MBP: variants seen among roughly 807,000 people sequenced by gnomAD.
The protein encoded by MBP is Golli-MBP.
Under a neutral mutation model 35.8 loss-of-function variants are expected in MBP, and 16 were observed. The observed-to-expected ratio is 0.45, with a 90% confidence interval of 0.30 to 0.68. The LOEUF is 0.68. Among genes scored for constraint, MBP ranks in the 30% least tolerant of loss-of-function variants. The pLI is 0.08. For missense variants in MBP, 380 were observed against 404.7 expected, an observed-to-expected ratio of 0.94 and a Z score of 0.52; for synonymous variants, 143 against 159.6, an observed-to-expected ratio of 0.90 and a Z score of 0.78.
chr18:77,008,717 C>T (rs1181767296), intron 4 of MBP, among the ~76,000 whole-genome samples: 1 of 152,238 alleles, frequency 6.6e-6, no homozygotes, highest in Non-Finnish European at 1.5e-5. Flanking sequence ...CTGGCCATCC[C>T]GGGGCCAGCA....
intron 4 of MBP, among the ~76,000 whole-genome samples, chr18:77,000,486 C>T (rs971452719): frequency 2.0e-5 from 3 of 152,212 alleles, no homozygotes; most frequent in African/African-American, 7.2e-5. Flanking sequence ...AAATAACTTG[C>T]TGAAAAGTTT....
intron 2 of MBP, among the ~76,000 whole-genome samples, chr18:77,104,874 T>C (rs1272727026): frequency 6.6e-6 from 1 of 152,206 alleles, no homozygotes. Flanking sequence ...CCTCTCCTCC[T>C]GGTTTCCCTC....
chr18:76,983,996 C>T (rs951105628), intron 8 of MBP: 3 of 152,264 alleles, frequency 2.0e-5, no homozygotes, highest in Admixed American at 2.0e-4. Flanking sequence ...ACGCAGGTGC[C>T]TGGGGGCTCC....
intron 3 of MBP, among the ~76,000 whole-genome samples, chr18:77,021,512 C>A (rs1157552423): frequency 7.5e-6 from 1 of 133,656 alleles, no homozygotes; most frequent in Non-Finnish European, 1.5e-5. Flanking sequence ...GAGATGGAGT[C>A]TCACTCTGTC....
chr18:77,098,168 C>CTTTTTTTTTTTT lies in MBP; in HGVS notation c.51+7031_51+7042dup, dbSNP rs3214873. Among the ~76,000 whole-genome samples the CTTTTTTTTTTTT allele has an allele frequency of 9.3e-3, 1,004 of 108,438 alleles. 49 individuals carry two copies. The highest frequency in any genetic ancestry group is 0.014 in the Non-Finnish European group (792 of 55,800). 71.1% of individuals were successfully genotyped at this position (108,438 alleles called of 152,430 possible). A position where few individuals can be genotyped will look rare whatever the true frequency, so the allele number is the denominator to read the frequency against. On this transcript the variant is annotated intron_variant, in intron 2 of 8. Coordinates refer to ENST00000355994, the MANE Select transcript of MBP (RefSeq NM_001025101.2). ...TTCTGAGGACAGACACAAGGACTTC[C>CTTTTTTTTTTTT]TTTTTTTTTTTTTTTTTTTTTACAA...
At chr18:76,985,336 A>AGGCCCCGGC (rs1326460176) in intron 7 of MBP, 4 of 1,290,248 alleles carry the variant, frequency 3.1e-6, no homozygotes, top group Non-Finnish European at 3.0e-6. Flanking sequence ...CGGTCCCCGG[A>AGGCCCCGGC]GGCCCCGGCC....
intron 3 of MBP, among the ~76,000 whole-genome samples, chr18:77,018,029 C>T (rs1321017296): frequency 6.6e-6 from 1 of 152,150 alleles, no homozygotes; most frequent in African/African-American, 2.4e-5. Flanking sequence ...AGTTAGTTTC[C>T]TCTCCAAACT....
At position 77,077,206 on chromosome 18, in the gene MBP, C is replaced by T. The variant is rs370458100; in HGVS notation, c.52-10821G>A. Among the ~76,000 whole-genome samples, 26 of 151,556 alleles carry T rather than the reference C, an allele frequency of 1.7e-4. No homozygotes were observed. The South Asian group carries it at 3.6e-3, about 21-fold the overall frequency. ...TGAAACCCTGTCACTACTAAAAATA[C>T]AAAAAATTAGCTGGGCGTGGTGGTG... On this transcript the variant is annotated intron_variant, in intron 2 of 8. Transcript: ENST00000355994.
chr18:77,105,288 T>TA lies in MBP; in HGVS notation c.-25-3dup. The TA allele has an allele frequency of 2.5e-6, 4 of 1,597,904 alleles. No individual in the cohort carries two copies. The highest frequency in any genetic ancestry group is 3.4e-6 in the Non-Finnish European group (4 of 1,166,044). Reference sequence around the variant, plus strand: ...CTGAATGGATTGGCTCTTCAGAGGCTAAAAGAGAAAGAGAAAGTGTCAGCC... The same window carrying TA: ...CTGAATGGATTGGCTCTTCAGAGGCTAAAAAGAGAAAGAGAAAGTGTCAGCC... On this transcript the variant is annotated splice_region_variant and splice_polypyrimidine_tract_variant and intron_variant, in intron 1 of 8. Transcript: ENST00000355994.
intron 3 of MBP, among the ~76,000 whole-genome samples, chr18:77,029,431 A>AG: frequency 2.3e-5 from 1 of 44,400 alleles, no homozygotes; most frequent in South Asian, 9.8e-4. Flanking sequence ...CCGTGGGGAG[A>AG]GGGAGAGGGA....
Position 77,101,866 on chromosome 18 carries a change from A to G in MBP, c.51+3345T>C, listed in dbSNP as rs560332678. Among the ~76,000 whole-genome samples, 1 of 152,324 alleles carries G rather than the reference A, an allele frequency of 6.6e-6. No homozygotes were observed. The highest frequency in any genetic ancestry group is 1.9e-4 in the East Asian group (1 of 5,182). ...ACCTCCCCAGCAGCCAACGGCACCTAAAGCCTGCTCAGGAAACTGAGCTTT... is the reference window on the plus strand; with the variant it reads ...ACCTCCCCAGCAGCCAACGGCACCTGAAGCCTGCTCAGGAAACTGAGCTTT... On this transcript the variant is annotated intron_variant, in intron 2 of 8. Coordinates refer to ENST00000355994, the MANE Select transcript of MBP (RefSeq NM_001025101.2). The surrounding 1 kb of genome is among the most constrained non-coding windows in gnomAD (Gnocchi z 4.3).
chr18:77,008,639 G>C (rs1051567954), intron 4 of MBP, among the ~76,000 whole-genome samples: 1 of 152,136 alleles, frequency 6.6e-6, no homozygotes, highest in African/African-American at 2.4e-5. Flanking sequence ...GTCTGGCCCC[G>C]GCTCCCCCAG....
rs1969780856 is a variant in MBP, at chr18:76,989,726, C to T, written c.681+230G>A. 1 of 510,486 alleles carries T rather than the reference C, an allele frequency of 2.0e-6. No homozygotes were observed. The highest frequency in any genetic ancestry group is 2.1e-5 in the South Asian group (1 of 47,916). 31.6% of individuals were successfully genotyped at this position (510,486 alleles called of 1,614,324 possible). A position where few individuals can be genotyped will look rare whatever the true frequency, so the allele number is the denominator to read the frequency against. ...AGCCTAATCTCAAGAGAAGTGAGCT[C>T]TCTGGAGAACGCACGGAGCGCACGG... On this transcript the variant is annotated intron_variant, in intron 5 of 8. Transcript: ENST00000355994. The surrounding 1 kb of genome is among the most constrained non-coding windows in gnomAD (Gnocchi z 4.0).
chr18:77,030,737 G>A (rs1972509151), intron 3 of MBP, among the ~76,000 whole-genome samples: 1 of 152,202 alleles, frequency 6.6e-6, no homozygotes, highest in South Asian at 2.1e-4. Context: ...TTGTGATTTG[G>A]TGTTTTTAAA....
Position 76,980,072 on chromosome 18 carries a change from G to A in MBP, c.*355C>T, listed in dbSNP as rs1290614241. The A allele has an allele frequency of 1.4e-6, 1 of 699,044 alleles. No individual in the cohort carries two copies. Among genetic ancestry groups the A allele is most frequent in the South Asian group, 1.5e-5 (1 of 66,946 alleles). 43.3% of individuals were successfully genotyped at this position (699,044 alleles called of 1,614,324 possible). A position where few individuals can be genotyped will look rare whatever the true frequency, so the allele number is the denominator to read the frequency against. ...CAGTGACCAGCAAAAGCGCAAGGGT[G>A]CCGCAGCCACGGCGAAAAGAAAGTC... On this transcript the variant is annotated 3_prime_UTR_variant, in exon 9 of 9. Coordinates refer to ENST00000355994, the MANE Select transcript of MBP (RefSeq NM_001025101.2).
chr18:77,038,157 C>CA (rs1213393761), intron 3 of MBP, among the ~76,000 whole-genome samples: 1 of 152,244 alleles, frequency 6.6e-6, no homozygotes, highest in Admixed American at 6.5e-5. Flanking sequence ...ATCACATCCA[C>CA]ATGCGAGCCG....
Position 76,988,866 on chromosome 18 carries a change from C to A in MBP, c.717+11G>T. The A allele has an allele frequency of 6.2e-7, 1 of 1,611,790 alleles. No homozygotes were observed. Among genetic ancestry groups the A allele is most frequent in the Non-Finnish European group, 8.5e-7 (1 of 1,178,602 alleles). ...AAAGTGATGATCAATCAAAACATTC[C>A]AAGGTCTTACCTTTCCCTGCGACGG... On this transcript the variant is annotated intron_variant, in intron 6 of 8. Coordinates refer to ENST00000355994, the MANE Select transcript of MBP (RefSeq NM_001025101.2). The surrounding 1 kb of genome is among the most constrained non-coding windows in gnomAD (Gnocchi z 5.2).
chr18:77,033,409 G>A (rs979416401), intron 3 of MBP, among the ~76,000 whole-genome samples: 4 of 152,264 alleles, frequency 2.6e-5, no homozygotes, highest in Admixed American at 1.3e-4. Flanking sequence ...TCTGATGAGC[G>A]CTTGCAGTGC....
chr18:77,129,165 AC>A, intron 1 of MBP, among the ~76,000 whole-genome samples: 2 of 152,360 alleles, frequency 1.3e-5, no homozygotes, highest in East Asian at 3.9e-4. Flanking sequence ...TCCTGGCCTC[AC>A]ATAGGTCTGT....
Sources: gnomAD v4.1 joint callset for allele counts (sites outside exome capture counted in the v4.1 genomes callset) on GRCh38, gnomAD v4.1.1 for gene constraint, Gnocchi (gnomAD v3.1) non-coding constraint, MANE v1.5 for transcripts, NCBI Gene and HGNC (gene_info 2026-07-23, HGNC 2026-07-21) for gene names.